The following LIMK2 variants were observed in gnomAD, a reference collection of about 807,000 sequenced individuals.
The protein encoded by LIMK2 is LIM domain kinase 2.
A neutral mutation model predicts 75.7 loss-of-function variants in LIMK2; 35 were observed. The ratio of observed to expected loss-of-function variants is 0.46; its 90% CI spans 0.35 to 0.61. LIMK2 has a LOEUF of 0.61. LIMK2 is among the 20% of genes least tolerant of loss of function. The probability of loss-of-function intolerance (pLI) is 0.00; values close to 1 mark genes in which losing one functional copy is unlikely to be tolerated. For synonymous variants in LIMK2, 301 were observed against 319.2 expected (o/e 0.94, Z 0.61); for missense variants, 623 against 831.0 (o/e 0.75, Z 3.08).
intron 3 of LIMK2, 62 bp downstream of exon 3, chr22:31,258,488 G>C: frequency 6.4e-7 from 1 of 1,554,852 alleles, no homozygotes; most frequent in Non-Finnish European, 8.8e-7. Context: ...AGTGCTTCCA[G>C]TTCCCTGTGG....
chr22:31,216,031 T>G (rs964519125), intron 1 of LIMK2, among the ~76,000 whole-genome samples: 3 of 152,128 alleles, frequency 2.0e-5, no homozygotes, highest in Admixed American at 1.3e-4. Context: ...TGGGGAGAGA[T>G]AGACAGCAAG....
chr22:31,245,363 A>G (rs61506183), intron 2 of LIMK2, among the ~76,000 whole-genome samples: 10,513 of 152,058 alleles, frequency 0.069, 1,218 homozygotes, highest in African/African-American at 0.24. Context: ...ATGCAATGGC[A>G]CGAACTCAGC....
At chr22:31,269,963 A>G (rs934372636) in intron 11 of LIMK2, among the ~76,000 whole-genome samples, 16 of 150,528 alleles carry the variant, frequency 1.1e-4, no homozygotes, top group Non-Finnish European at 2.2e-4. Context: ...GCAATGAGGG[A>G]ACAGGAGGAG....
chr22:31,267,225 T>A (rs1312595540), intron 9 of LIMK2, among the ~76,000 whole-genome samples, 155 bp downstream of exon 9: 1 of 152,134 alleles, frequency 6.6e-6, no homozygotes, highest in Non-Finnish European at 1.5e-5. Context: ...CCCTCTAAAT[T>A]ACAGCGTAAT....
At chr22:31,241,209 G>A (rs554777276) in intron 2 of LIMK2, among the ~76,000 whole-genome samples, 2 of 152,294 alleles carry the variant, frequency 1.3e-5, no homozygotes, top group South Asian at 2.1e-4. Context: ...TATTCCTTTA[G>A]TTACACTTTC....
chr22:31,213,441 C>A (rs997498237), intron 1 of LIMK2, among the ~76,000 whole-genome samples: 1 of 152,186 alleles, frequency 6.6e-6, no homozygotes, highest in Non-Finnish European at 1.5e-5. Flanking sequence ...GGGGGGCTGG[C>A]TATCTGCCCC....
In LIMK2 at chr22:31,267,924, A is replaced by G. The variant is rs758310015; in HGVS notation, c.1260+17A>G. On this transcript the variant is annotated intron_variant, in intron 10 of 15. Transcript: ENST00000331728. ...CGCAGTATGGTGAGCACACCACCCC[A>G]TAGTCTCCAGGAGCCTTGGTGGGTT... The G allele has an allele frequency of 1.9e-6, 3 of 1,583,694 alleles. No homozygotes were observed. The highest frequency in any genetic ancestry group is 2.7e-5 in the African/African-American group (2 of 73,708).
chr22:31,259,976 C>A lies in LIMK2; in HGVS notation c.450C>A (p.Val150=). 3 of 1,612,000 alleles carry A rather than the reference C, an allele frequency of 1.9e-6. 1 individual carries two copies. Among genetic ancestry groups the A allele is most frequent in the South Asian group, 2.2e-5 (2 of 90,924 alleles). ...TTCAGGAGCAGCTGCCCTACTCTGT[C>A]ACGCTCATCTCCATGCCGGCCACCA... ...ESVQEQLPYS[V]TLISMPATTE... The change falls in exon 5 of 16, where the codon GTC becomes GTA. Residue 150 remains valine, a synonymous_variant. Coordinates refer to ENST00000331728, the MANE Select transcript of LIMK2 (RefSeq NM_005569.4).
intron 2 of LIMK2, among the ~76,000 whole-genome samples, chr22:31,247,373 T>C (rs570304021): frequency 9.2e-5 from 14 of 152,324 alleles, no homozygotes; most frequent in African/African-American, 3.1e-4. Context: ...TATCAATCCC[T>C]TTTGGCACCC....
intron 2 of LIMK2, among the ~76,000 whole-genome samples, chr22:31,234,013 GTTTGT>G (rs937599179): frequency 6.6e-6 from 1 of 151,930 alleles, no homozygotes; most frequent in African/African-American, 2.4e-5. Flanking sequence ...GATTTTTGTT[GTTTGT>G]TTTGTTTTGT....
intron 9 of LIMK2, 83 bp downstream of exon 9, chr22:31,267,153 TAC>T (rs1182161806): frequency 3.8e-6 from 3 of 785,268 alleles, no homozygotes; most frequent in Non-Finnish European, 6.3e-6. Context: ...CAAGAGAAAA[TAC>T]AGTTTGGAAT....
intron 5 of LIMK2, among the ~76,000 whole-genome samples, chr22:31,261,897 G>C (rs2048844053): frequency 2.0e-5 from 3 of 152,224 alleles, no homozygotes; most frequent in Admixed American, 2.0e-4. Flanking sequence ...AGAGATGAGG[G>C]AACTCCAGAT....
At chr22:31,246,773 A>C (rs1251638230) in intron 2 of LIMK2, among the ~76,000 whole-genome samples, 2 of 136,960 alleles carry the variant, frequency 1.5e-5, no homozygotes, top group South Asian at 4.5e-4. Context: ...AAAAAAAAAC[A>C]AAAAAAAAAA....
rs923536571 is a variant in LIMK2, at chr22:31,278,386, A to C, written c.1862A>C (p.Glu621Ala). 6.2e-7 allele frequency: 1 copy of C among 1,613,796 alleles called. No individual in the cohort carries two copies. Among genetic ancestry groups the C allele is most frequent in the Non-Finnish European group, 8.5e-7 (1 of 1,179,954 alleles). ...ATCCCGCTGCCTGCAGAGCTGGAGG[A>C]GTTGGACCACACTGTGAGCATGCAG... The part of the protein sequence containing the change: ...LGIPLPAELE[E>A]LDHTVSMQYG... The change falls in exon 16 of 16, where the codon GAG (glutamate) becomes GCG (alanine). Residue 621 changes from glutamate (E) to alanine (A), a missense_variant. Glu to Ala is a moderately radical substitution (Grantham distance 107). Transcript: ENST00000331728.
intron 7 of LIMK2, among the ~76,000 whole-genome samples, 159 bp from the exon 8 acceptor site, chr22:31,265,787 A>G (rs556048466): frequency 6.6e-6 from 1 of 152,346 alleles, no homozygotes; most frequent in East Asian, 1.9e-4. Flanking sequence ...CAGCAACCCC[A>G]AAATGATACA....
At chr22:31,240,314 C>A (rs1001851583) in intron 2 of LIMK2, among the ~76,000 whole-genome samples, 1 of 152,164 alleles carries the variant, frequency 6.6e-6, no homozygotes, top group East Asian at 1.9e-4. Context: ...CTGACTCTTG[C>A]AGAAGCACCG....
intron 2 of LIMK2, among the ~76,000 whole-genome samples, chr22:31,252,102 T>C (rs1266236925): frequency 2.0e-5 from 3 of 152,184 alleles, no homozygotes; most frequent in Non-Finnish European, 4.4e-5. Flanking sequence ...CCTGTAAACA[T>C]TTTTGTCTGA....
chr22:31,266,072 G>T lies in LIMK2; in HGVS notation c.981G>T (p.Arg327=). 6.2e-7 allele frequency: 1 copy of T among 1,614,184 alleles called. No homozygotes were observed. The highest frequency in any genetic ancestry group is 1.7e-5 in the Admixed American group (1 of 60,020). ...GCAGCTATTCACAGCAGATCTTCCG[G>T]CCCTGTGACCTAATCCATGGGGAGG... ...CSSSYSQQIF[R]PCDLIHGEVL... The change falls in exon 8 of 16, where the codon CGG becomes CGT. Residue 327 remains arginine (R), a synonymous_variant. Transcript: ENST00000331728.
At chr22:31,218,747 G>A (rs1315605417) in intron 1 of LIMK2, among the ~76,000 whole-genome samples, 5 of 152,130 alleles carry the variant, frequency 3.3e-5, no homozygotes, top group Non-Finnish European at 5.9e-5. Flanking sequence ...CAGAACAAGT[G>A]GGATTTATAC....
Sources: gnomAD v4.1 joint callset for allele counts (sites outside exome capture counted in the v4.1 genomes callset) on GRCh38, gnomAD v4.1.1 for gene constraint, MANE v1.5 for transcripts, NCBI Gene and HGNC (gene_info 2026-07-23, HGNC 2026-07-21) for gene names.